SLC28A3: variants seen among roughly 807,000 people sequenced by gnomAD.
The protein encoded by SLC28A3 is concentrative Na(+)-nucleoside cotransporter 3.
SLC28A3 carries 68 observed loss-of-function variants against 84.2 expected under a neutral mutation model. The observed-to-expected ratio is 0.81, with a 90% CI of 0.66 to 0.99. The LOEUF (loss-of-function observed/expected upper bound fraction) is 0.99, where lower values mean the gene tolerates loss of function less well. SLC28A3 is among the 50% of genes least tolerant of loss of function. SLC28A3 has a pLI of 0.00. For missense variants in SLC28A3, 712 were observed against 841.5 expected, an observed-to-expected ratio of 0.85 and a Z score of 1.90; for synonymous variants, 267 against 303.6, an observed-to-expected ratio of 0.88 and a Z score of 1.25.
At chr9:84,348,430 C>G in the SLC28A3 span, among the ~76,000 whole-genome samples, 1 of 151,848 alleles carries the variant, frequency 6.6e-6, no homozygotes, top group Non-Finnish European at 1.5e-5. Context: ...CACTCACTAG[C>G]TGCAAGCTTG....
the SLC28A3 span, among the ~76,000 whole-genome samples, chr9:84,361,628 G>C: frequency 0.06 from 9,093 of 152,018 alleles, 861 homozygotes; most frequent in African/African-American, 0.2. Context: ...GTGAGGATGC[G>C]TACTGCCTGG....
At chr9:84,286,445 C>CTTTTTTTTTT (rs71498094) in intron 12 of SLC28A3, among the ~76,000 whole-genome samples, 1 of 87,678 alleles carries the variant, frequency 1.1e-5, no homozygotes, top group African/African-American at 4.8e-5. Context: ...CCATGCTTGG[C>CTTTTTTTTTT]TTTTTTTTTT....
intron 17 of SLC28A3, among the ~76,000 whole-genome samples, chr9:84,278,713 G>T (rs751287643): frequency 6.6e-6 from 1 of 152,122 alleles, no homozygotes; most frequent in Non-Finnish European, 1.5e-5. Flanking sequence ...GACGATCATC[G>T]TGTTGTCTGG....
chr9:84,343,638 AAT>A (rs1366626239), upstream of SLC28A3, among the ~76,000 whole-genome samples: 1 of 152,228 alleles, frequency 6.6e-6, no homozygotes, highest in African/African-American at 2.4e-5. Flanking sequence ...TAAAAGGAAG[AAT>A]ATTTCCTGAC....
At chr9:84,365,709 C>G in the SLC28A3 span, among the ~76,000 whole-genome samples, 1 of 152,068 alleles carries the variant, frequency 6.6e-6, no homozygotes, top group Admixed American at 6.6e-5. Flanking sequence ...ATATGGATAT[C>G]CAGTTTTTTA....
the SLC28A3 span, among the ~76,000 whole-genome samples, chr9:84,350,872 C>A: frequency 7.9e-5 from 12 of 152,112 alleles, no homozygotes; most frequent in Admixed American, 5.9e-4. Flanking sequence ...ACCACCACGT[C>A]TGGCTGATTT....
At position 84,331,692 on chromosome 9, in the gene SLC28A3, T is replaced by A. The variant is rs980292; in HGVS notation, c.60+8882A>T. On this transcript the variant is annotated intron_variant, in intron 1 of 17. Transcript: ENST00000376238. ...TCTGTGCCTCTGAGAGCAGCTGTGG[T>A]AAGATTGATTGCTTATTCACAGGGA... 2.0e-5 allele frequency among the ~76,000 whole-genome samples: 3 copies of A among 152,098 alleles called. No individual in the cohort carries two copies. The South Asian group carries it at 6.2e-4, about 31-fold the overall frequency.
At chr9:84,362,631 T>TA in the SLC28A3 span, among the ~76,000 whole-genome samples, 65 of 144,992 alleles carry the variant, frequency 4.5e-4, no homozygotes, top group Non-Finnish European at 6.2e-4. Flanking sequence ...AGACTCTGTT[T>TA]AAAAAAAAAA....
chr9:84,299,644 C>T lies in SLC28A3; in HGVS notation c.606G>A (p.Val202=). The T allele has an allele frequency of 1.2e-6, 2 of 1,613,792 alleles. No homozygotes were observed. Among genetic ancestry groups the T allele is most frequent in the Non-Finnish European group, 8.5e-7 (1 of 1,179,926 alleles). ...TGTACATTATGAGCCCACCGAAGGA[C>T]ACCAGCTGCTGTTGACCCAATTTGG... ...DTAKLGQQQL[V]SFGGLIMYIV... The change falls in exon 6 of 18, where the codon GTG becomes GTA. Residue 202 remains valine (V), a synonymous_variant. Transcript: ENST00000376238.
At chr9:84,324,463 G>A (rs1377343550) in intron 1 of SLC28A3, among the ~76,000 whole-genome samples, 2 of 152,034 alleles carry the variant, frequency 1.3e-5, no homozygotes, top group East Asian at 3.9e-4. Context: ...GGGTAACGTG[G>A]TGAGACCCTG....
intron 1 of SLC28A3, among the ~76,000 whole-genome samples, chr9:84,333,900 G>A (rs1352919676): frequency 2.0e-5 from 3 of 152,124 alleles, no homozygotes; most frequent in African/African-American, 7.2e-5. Flanking sequence ...ACTTAATAAC[G>A]CAAATGTCCA....
At chr9:84,354,567 G>T in the SLC28A3 span, among the ~76,000 whole-genome samples, 1 of 152,202 alleles carries the variant, frequency 6.6e-6, no homozygotes, top group Non-Finnish European at 1.5e-5. Flanking sequence ...GAAACTCTAG[G>T]CCGGGCACAG....
chr9:84,279,945 C>A (rs1301680812), intron 16 of SLC28A3, 30 bp downstream of exon 16: 1 of 1,605,212 alleles, frequency 6.2e-7, no homozygotes, highest in East Asian at 2.2e-5. Flanking sequence ...ATCCTGTGGG[C>A]ACTGGGACAC....
intron 4 of SLC28A3, among the ~76,000 whole-genome samples, chr9:84,303,193 C>T (rs533093879): frequency 6.6e-6 from 1 of 152,226 alleles, no homozygotes; most frequent in African/African-American, 2.4e-5. Context: ...CCTTATTAAC[C>T]TTTAACCAGA....
chr9:84,328,286 G>C (rs537241535), intron 1 of SLC28A3, among the ~76,000 whole-genome samples: 1 of 148,916 alleles, frequency 6.7e-6, no homozygotes, highest in Admixed American at 6.7e-5. Flanking sequence ...GCAGAGATTT[G>C]AAGAACGGAT....
chr9:84,327,888 C>A (rs568535407), intron 1 of SLC28A3, among the ~76,000 whole-genome samples: 1 of 144,880 alleles, frequency 6.9e-6, no homozygotes. Flanking sequence ...ATTGTGCCAC[C>A]TCACTCCAGC....
chr9:84,296,257 T>A lies in SLC28A3; in HGVS notation c.861+964A>T, dbSNP rs77150906. ...ACATCAAACCAGCTAAACTGCCAGG[T>A]AGAGGTTGCTGGGGGAGGGTGCTAA... On this transcript the variant is annotated intron_variant, in intron 8 of 17. Transcript: ENST00000376238. 8.5e-4 allele frequency among the ~76,000 whole-genome samples: 130 copies of A among 152,250 alleles called. 1 individual carries two copies. Among genetic ancestry groups the A allele is most frequent in the African/African-American group, 3.1e-3 (127 of 41,556 alleles).
the SLC28A3 span, among the ~76,000 whole-genome samples, chr9:84,364,971 G>C: frequency 1.4e-4 from 22 of 152,314 alleles, no homozygotes; most frequent in African/African-American, 4.8e-4. Flanking sequence ...GAACAGTGCT[G>C]CAACAAACAT....
the SLC28A3 span, among the ~76,000 whole-genome samples, chr9:84,351,519 C>T: frequency 7.2e-5 from 11 of 152,056 alleles, no homozygotes; most frequent in East Asian, 2.1e-3. Flanking sequence ...ATTAGTTGGG[C>T]ATGGTGGCAT....
Sources: allele counts gnomAD v4.1 joint callset (sites outside exome capture counted in the v4.1 genomes callset), GRCh38; gene constraint gnomAD v4.1.1; transcripts MANE v1.5; gene names NCBI Gene and HGNC (gene_info 2026-07-23, HGNC 2026-07-21).